WWOX: variants seen among roughly 807,000 people sequenced by gnomAD.
The protein encoded by WWOX is WW domain-containing oxidoreductase.
A neutral mutation model predicts 46.2 loss-of-function variants in WWOX; 69 were observed. That is an observed-to-expected ratio of 1.49 (90% CI 1.23 to 1.82). WWOX has a LOEUF of 1.82. Ranked by LOEUF, WWOX falls within the 40% of genes most tolerant of loss-of-function variation. WWOX has a pLI of 0.00. For synonymous variants in WWOX, 359 were observed against 202.6 expected, an observed-to-expected ratio of 1.77 and a Z score of -6.56; for missense variants, 919 against 542.6, an observed-to-expected ratio of 1.69 and a Z score of -6.89.
chr16:78,667,535 G>T (rs904687284), intron 8 of WWOX, among the ~76,000 whole-genome samples: 1 of 151,906 alleles, frequency 6.6e-6, no homozygotes, highest in East Asian at 1.9e-4. Context: ...GCCAGGCGTG[G>T]TGGCAGGCAC....
chr16:78,342,108 T>A lies in WWOX; in HGVS notation c.517-44752T>A, dbSNP rs2081026859. On this transcript the variant is annotated intron_variant, in intron 5 of 8. Coordinates refer to ENST00000566780, the MANE Select transcript of WWOX (RefSeq NM_016373.4). ...TCTAATTTAGGCAGCAGAATGAGAC[T>A]ATGTCTCAAGAAAATGTTCAAGAAG... Among the ~76,000 whole-genome samples, 3 of 121,306 alleles carry A rather than the reference T, an allele frequency of 2.5e-5. 1 individual carries two copies. The highest frequency in any genetic ancestry group is 8.4e-5 in the African/African-American group (3 of 35,832). 79.6% of individuals were successfully genotyped at this position (121,306 alleles called of 152,430 possible).
intron 8 of WWOX, among the ~76,000 whole-genome samples, chr16:78,618,869 T>A (rs2046096801): frequency 6.6e-6 from 1 of 151,402 alleles, no homozygotes; most frequent in African/African-American, 2.4e-5. Context: ...CGCGGACACC[T>A]TGGATGTGCC....
intron 8 of WWOX, among the ~76,000 whole-genome samples, chr16:79,095,554 C>T (rs1266360322): frequency 1.3e-5 from 2 of 152,088 alleles, no homozygotes; most frequent in Admixed American, 1.3e-4. Flanking sequence ...CGCGGGGGAG[C>T]TGACATTGCA....
intron 5 of WWOX, among the ~76,000 whole-genome samples, chr16:78,186,155 T>C (rs187275005): frequency 2.0e-5 from 3 of 152,252 alleles, no homozygotes; most frequent in Non-Finnish European, 4.4e-5. Flanking sequence ...AACATTTTTA[T>C]ATTAGTTCCA....
At chr16:78,572,525 C>A (rs2044741883) in intron 8 of WWOX, among the ~76,000 whole-genome samples, 1 of 144,074 alleles carries the variant, frequency 6.9e-6, no homozygotes, top group South Asian at 2.2e-4. Flanking sequence ...ACCTCTTGAG[C>A]CGGGAAGGTC....
chr16:79,096,016 A>ATATTTT (rs2049063064), intron 8 of WWOX, among the ~76,000 whole-genome samples: 1 of 82,054 alleles, frequency 1.2e-5, no homozygotes, highest in Non-Finnish European at 2.2e-5. Flanking sequence ...CACCCGGATA[A>ATATTTT]TTTTTTTTTT....
At chr16:79,060,024 C>G (rs2048330887) in intron 8 of WWOX, among the ~76,000 whole-genome samples, 3 of 152,050 alleles carry the variant, frequency 2.0e-5, no homozygotes, top group African/African-American at 4.8e-5. Context: ...ACATTTTGTA[C>G]AAAGCTGATA....
In WWOX at chr16:78,758,821, C is replaced by T. The variant is rs146846026; in HGVS notation, c.1056+326069C>T. 4.9e-3 allele frequency among the ~76,000 whole-genome samples: 748 copies of T among 151,732 alleles called. 9 individuals are homozygous for T. Among genetic ancestry groups the T allele is most frequent in the African/African-American group, 0.017 (709 of 41,332 alleles). ...AGCATTTGCTATAAGGAGGATGTAT[C>T]TCAGTTGCCATATTTGTATCACTAA... On this transcript the variant is annotated intron_variant, in intron 8 of 8. Transcript: ENST00000566780.
At chr16:78,863,669 G>A (rs2043941597) in intron 8 of WWOX, among the ~76,000 whole-genome samples, 2 of 152,162 alleles carry the variant, frequency 1.3e-5, no homozygotes, top group Admixed American at 1.3e-4. Flanking sequence ...CCAGCATAGT[G>A]CCTCGCACAC....
intron 5 of WWOX, among the ~76,000 whole-genome samples, chr16:78,304,693 C>T (rs1015969266): frequency 2.0e-5 from 3 of 152,124 alleles, no homozygotes; most frequent in Non-Finnish European, 4.4e-5. Context: ...AGGGTTGTAT[C>T]CATTATTTTG....
intron 8 of WWOX, among the ~76,000 whole-genome samples, chr16:78,796,320 G>T (rs1435612927): frequency 1.3e-5 from 2 of 152,196 alleles, no homozygotes. Context: ...CAAATCCTCT[G>T]CTGGATCCTT....
At chr16:78,285,542 A>G (rs2079752826) in intron 5 of WWOX, among the ~76,000 whole-genome samples, 1 of 152,206 alleles carries the variant, frequency 6.6e-6, no homozygotes, top group African/African-American at 2.4e-5. Flanking sequence ...CAGCACCAGA[A>G]CGAGGTCTGA....
intron 5 of WWOX, among the ~76,000 whole-genome samples, chr16:78,292,696 A>T (rs189954443): frequency 1.1e-3 from 175 of 152,312 alleles, no homozygotes; most frequent in African/African-American, 4.0e-3. Context: ...TGGCACTGCT[A>T]AATAAGGCAG....
intron 8 of WWOX, among the ~76,000 whole-genome samples, chr16:78,941,745 C>T (rs1473776639): frequency 6.6e-6 from 1 of 152,020 alleles, no homozygotes; most frequent in Non-Finnish European, 1.5e-5. Flanking sequence ...AGTTAATCGC[C>T]TTACAATGAA....
chr16:78,237,140 A>G (rs902431468), intron 5 of WWOX, among the ~76,000 whole-genome samples: 1 of 151,620 alleles, frequency 6.6e-6, no homozygotes, highest in African/African-American at 2.4e-5. Flanking sequence ...GTAAATGTTC[A>G]GAGGCTGCAG....
intron 8 of WWOX, among the ~76,000 whole-genome samples, chr16:78,772,351 G>C (rs1268890616): frequency 6.6e-6 from 1 of 152,172 alleles, no homozygotes; most frequent in Non-Finnish European, 1.5e-5. Flanking sequence ...CCCCGTCCGT[G>C]TTCTCGCAGA....
At chr16:78,933,141 T>A (rs755279651) in intron 8 of WWOX, among the ~76,000 whole-genome samples, 5 of 152,166 alleles carry the variant, frequency 3.3e-5, no homozygotes, top group African/African-American at 9.7e-5. Context: ...AACACTTTTT[T>A]AAAAGGCAAG....
At chr16:78,534,220 A>C (rs2043701007) in intron 8 of WWOX, among the ~76,000 whole-genome samples, 1 of 152,240 alleles carries the variant, frequency 6.6e-6, no homozygotes. Flanking sequence ...GTCTTGTCAA[A>C]TACCAAACAC....
chr16:78,748,335 C>T (rs1031268429), intron 8 of WWOX, among the ~76,000 whole-genome samples: 3 of 152,158 alleles, frequency 2.0e-5, no homozygotes, highest in Non-Finnish European at 4.4e-5. Flanking sequence ...ATTACTGTTA[C>T]CCAGTGGTGG....
Sources: gnomAD v4.1 joint callset for allele counts (sites outside exome capture counted in the v4.1 genomes callset) on GRCh38, gnomAD v4.1.1 for gene constraint, MANE v1.5 for transcripts, NCBI Gene and HGNC (gene_info 2026-07-23, HGNC 2026-07-21) for gene names.